Variants in CCDC141 observed in about 807,000 individuals in gnomAD.
CCDC141 encodes coiled-coil domain-containing protein 141.
In CCDC141, 168 loss-of-function variants were observed where a neutral mutation model predicts 181.0. That is an observed-to-expected ratio of 0.93 (90% CI 0.82 to 1.05). The LOEUF (loss-of-function observed/expected upper bound fraction) is 1.05, where lower values mean the gene tolerates loss of function less well. Ranked by LOEUF, CCDC141 falls within the 50% of genes least tolerant of loss-of-function variation. The pLI, the probability that CCDC141 is intolerant of heterozygous loss-of-function variation, is 0.00. For synonymous variants in CCDC141, 666 were observed against 642.3 expected (o/e 1.04, Z -0.56); for missense variants, 1,902 against 1,788.5 (o/e 1.06, Z -1.14).
intron 17 of CCDC141, among the ~76,000 whole-genome samples, chr2:178,860,327 G>C (rs1575139301): frequency 6.6e-6 from 1 of 151,908 alleles, no homozygotes; most frequent in African/African-American, 2.4e-5. Context: ...GAGGTCAGGA[G>C]TTCAAGACCA....
chr2:178,902,032 G>C (rs1282895084), intron 8 of CCDC141, among the ~76,000 whole-genome samples: 2 of 152,034 alleles, frequency 1.3e-5, no homozygotes, highest in Non-Finnish European at 2.9e-5. Context: ...AAAATACCTA[G>C]GAATCCAACT....
chr2:178,982,951 A>G (rs1691504858), intron 2 of CCDC141, among the ~76,000 whole-genome samples: 1 of 152,270 alleles, frequency 6.6e-6, no homozygotes, highest in African/African-American at 2.4e-5. Context: ...CTCGAACTGG[A>G]TGGAGCCCAC....
chr2:178,842,154 T>C (rs1339537990), intron 22 of CCDC141, among the ~76,000 whole-genome samples: 1 of 152,228 alleles, frequency 6.6e-6, no homozygotes, highest in Admixed American at 6.5e-5. Context: ...CATATTTACA[T>C]CAGTCTAATG....
chr2:178,918,279 G>A (rs1184275767), intron 7 of CCDC141, among the ~76,000 whole-genome samples: 1 of 152,006 alleles, frequency 6.6e-6, no homozygotes, highest in Non-Finnish European at 1.5e-5. Context: ...ATGGTGGCAT[G>A]TGCCTATGAT....
intron 2 of CCDC141, among the ~76,000 whole-genome samples, chr2:178,985,976 C>T (rs1007023367): frequency 7.2e-5 from 11 of 152,176 alleles, no homozygotes; most frequent in Non-Finnish European, 1.6e-4. Context: ...ATGAGGCCAG[C>T]ATCATTCGGA....
chr2:179,050,035 T>G lies in CCDC141; in HGVS notation c.-94A>C, dbSNP rs745665470. 40 of 1,532,028 alleles carry G rather than the reference T, an allele frequency of 2.6e-5. No homozygotes were observed. The highest frequency in any genetic ancestry group is 3.4e-5 in the Non-Finnish European group (39 of 1,137,268). 94.9% of individuals were successfully genotyped at this position (1,532,028 alleles called of 1,614,324 possible). A position where few individuals can be genotyped will look rare whatever the true frequency, so the allele number is the denominator to read the frequency against. Reference sequence around the variant, plus strand: ...GAAGGCCAGGGTTACTTGGATTCATTCAGGGAAAGAGCTCAGCTCACACTG... The same window carrying G: ...GAAGGCCAGGGTTACTTGGATTCATGCAGGGAAAGAGCTCAGCTCACACTG... On this transcript the variant is annotated 5_prime_UTR_variant, in exon 1 of 24. Transcript: ENST00000443758.
chr2:178,996,827 A>G (rs1160566808), intron 2 of CCDC141, among the ~76,000 whole-genome samples: 2 of 152,310 alleles, frequency 1.3e-5, no homozygotes, highest in African/African-American at 4.8e-5. Context: ...ATTTTCTCGA[A>G]GAAAGTCAGC....
chr2:178,980,390 C>T (rs1373068519), intron 2 of CCDC141, among the ~76,000 whole-genome samples: 1 of 151,970 alleles, frequency 6.6e-6, no homozygotes, highest in Non-Finnish European at 1.5e-5. Flanking sequence ...GTGGAGCTTG[C>T]AGTGAGCTGA....
downstream of CCDC141, among the ~76,000 whole-genome samples, chr2:178,826,221 G>T (rs1196176404): frequency 1.3e-5 from 2 of 152,160 alleles, no homozygotes; most frequent in Non-Finnish European, 2.9e-5. Context: ...TGTGGATGTG[G>T]TGGATTCACT....
At chr2:179,015,105 A>ACATATATATAT (rs2042416521) in intron 2 of CCDC141, among the ~76,000 whole-genome samples, 2 of 21,354 alleles carry the variant, frequency 9.4e-5, no homozygotes, top group African/African-American at 2.2e-4. Context: ...TATATATATA[A>ACATATATATAT]TATATATATA....
chr2:178,934,807 T>G (rs182135618), intron 6 of CCDC141, among the ~76,000 whole-genome samples: 20 of 152,318 alleles, frequency 1.3e-4, no homozygotes, highest in African/African-American at 4.8e-4. Context: ...TTTCTCTGTG[T>G]TACCACATTA....
At chr2:178,984,998 A>T (rs1435588687) in intron 2 of CCDC141, among the ~76,000 whole-genome samples, 2 of 151,098 alleles carry the variant, frequency 1.3e-5, no homozygotes, top group East Asian at 3.9e-4. Flanking sequence ...TCCACCCCAA[A>T]TCAATAGAAT....
chr2:178,878,093 A>G lies in CCDC141; in HGVS notation c.1770T>C (p.Pro590=). The G allele has an allele frequency of 6.2e-7, 1 of 1,609,990 alleles. No homozygotes were observed. Among genetic ancestry groups the G allele is most frequent in the Non-Finnish European group, 8.5e-7 (1 of 1,179,098 alleles). ...CTTTAGCATCATCCTGCTCCTTCTG[A>G]GGGATTTCGGTTTCATAAAATTCTT... ...SLKEFYETEI[P]QKEQDDAKAK... The change falls in exon 12 of 24, where the codon CCT becomes CCC. Residue 590 remains proline, a synonymous_variant. Transcript: ENST00000443758.
intron 2 of CCDC141, among the ~76,000 whole-genome samples, chr2:179,027,646 CAAAAAAAAAAAAAAAAAAA>C (rs71023466): frequency 1.1e-4 from 6 of 53,252 alleles, no homozygotes; most frequent in African/African-American, 4.2e-4. Flanking sequence ...CTCTTACTCT[CAAAAAAAAAAAAAAAAAAA>C]AAAAAAAAAA....
At chr2:179,006,211 G>T (rs534135309) in intron 2 of CCDC141, among the ~76,000 whole-genome samples, 1 of 152,278 alleles carries the variant, frequency 6.6e-6, no homozygotes, top group East Asian at 1.9e-4. Context: ...CATTTCATTG[G>T]CAGATAATAT....
chr2:178,996,113 G>T (rs1369786745), intron 2 of CCDC141, among the ~76,000 whole-genome samples: 6 of 147,996 alleles, frequency 4.1e-5, no homozygotes, highest in African/African-American at 1.5e-4. Flanking sequence ...GTGAGATGGA[G>T]TCTCACTCTG....
At chr2:178,991,584 A>C (rs1015527892) in intron 2 of CCDC141, among the ~76,000 whole-genome samples, 22 of 152,236 alleles carry the variant, frequency 1.4e-4, no homozygotes, top group Non-Finnish European at 2.6e-4. Flanking sequence ...ATGGGTACAA[A>C]AATACAGTTA....
At chr2:178,916,849 C>T (rs948745720) in intron 7 of CCDC141, among the ~76,000 whole-genome samples, 1 of 151,836 alleles carries the variant, frequency 6.6e-6, no homozygotes, top group African/African-American at 2.4e-5. Flanking sequence ...AATCGAAAGT[C>T]TTTGTGATTA....
intron 8 of CCDC141, among the ~76,000 whole-genome samples, chr2:178,900,841 G>A (rs1326618281): frequency 6.6e-6 from 1 of 152,148 alleles, no homozygotes. Flanking sequence ...TAACCAACTA[G>A]AAAAACAAGT....
Sources: gnomAD v4.1 joint callset for allele counts (sites outside exome capture counted in the v4.1 genomes callset) on GRCh38, gnomAD v4.1.1 for gene constraint, MANE v1.5 for transcripts, NCBI Gene and HGNC (gene_info 2026-07-23, HGNC 2026-07-21) for gene names.